RAPGEF4: variants seen among roughly 807,000 people sequenced by gnomAD.
The protein encoded by RAPGEF4 is RAP guanine-nucleotide-exchange factor (GEF) 4.
In RAPGEF4, 66 loss-of-function variants were observed where a neutral mutation model predicts 147.9. The observed-to-expected ratio is 0.45, with a 90% CI of 0.37 to 0.55. The LOEUF (loss-of-function observed/expected upper bound fraction) is 0.55, where lower values mean the gene tolerates loss of function less well. Ranked by LOEUF, RAPGEF4 falls within the 20% of genes least tolerant of loss-of-function variation. The probability of loss-of-function intolerance (pLI) is 0.00; values close to 1 mark genes in which losing one functional copy is unlikely to be tolerated. For missense variants in RAPGEF4, 1,071 were observed against 1,257.3 expected (o/e 0.85, Z 2.24); for synonymous variants, 419 against 442.7 (o/e 0.95, Z 0.67).
intron 4 of RAPGEF4, among the ~76,000 whole-genome samples, chr2:172,885,692 C>T (rs980681158): frequency 6.6e-5 from 10 of 152,050 alleles, no homozygotes; most frequent in Non-Finnish European, 2.9e-5. Flanking sequence ...TGGGAGGAAC[C>T]GCCCCCATGA....
chr2:172,985,642 TG>T, intron 12 of RAPGEF4, 149 bp downstream of exon 12: 1 of 1,420,972 alleles, frequency 7.0e-7, no homozygotes, highest in Non-Finnish European at 9.4e-7. Context: ...TTCGTTTTTC[TG>T]GACCTGTGAT....
At chr2:172,815,901 A>C (rs562627473) in intron 4 of RAPGEF4, among the ~76,000 whole-genome samples, 1 of 152,322 alleles carries the variant, frequency 6.6e-6, no homozygotes, top group African/African-American at 2.4e-5. Flanking sequence ...GAAAAATCAA[A>C]AAGTATAGTA....
intron 4 of RAPGEF4, among the ~76,000 whole-genome samples, chr2:172,877,037 G>A (rs1199759171): frequency 6.6e-6 from 1 of 152,128 alleles, no homozygotes; most frequent in African/African-American, 2.4e-5. Context: ...TTGCGTAGAG[G>A]TGTTTATAGT....
chr2:172,746,600 T>C (rs892235597), intron 1 of RAPGEF4, among the ~76,000 whole-genome samples: 1 of 152,146 alleles, frequency 6.6e-6, no homozygotes, highest in Non-Finnish European at 1.5e-5. Flanking sequence ...ACTTGCTGTA[T>C]AGAAATATTA....
At chr2:172,903,190 GAAACCTCATCTCTACTAAAAATACAAA>G (rs1425350979) in intron 4 of RAPGEF4, among the ~76,000 whole-genome samples, 60 of 152,156 alleles carry the variant, frequency 3.9e-4, no homozygotes, top group Non-Finnish European at 4.4e-5. Context: ...TCAACATGGT[GAAACCTCATCTCTACTAAAAATACAAA>G]GATTAGCTGG....
At chr2:172,744,267 A>T (rs1431092750) in intron 1 of RAPGEF4, 3 of 333,566 alleles carry the variant, frequency 9.0e-6, no homozygotes, top group African/African-American at 6.5e-5. Flanking sequence ...GATATAGTCA[A>T]ATCAGCTTTG....
intron 3 of RAPGEF4, among the ~76,000 whole-genome samples, chr2:172,806,915 A>G (rs977145485): frequency 1.3e-5 from 2 of 152,188 alleles, no homozygotes; most frequent in African/African-American, 2.4e-5. Flanking sequence ...TTTGAAGAAC[A>G]TGTGTGTTTC....
intron 4 of RAPGEF4, among the ~76,000 whole-genome samples, chr2:172,821,218 A>G (rs557493056): frequency 6.6e-6 from 1 of 152,186 alleles, no homozygotes; most frequent in Admixed American, 6.5e-5. Flanking sequence ...TTTTGCATTA[A>G]TGGTAGGCTT....
At chr2:172,783,775 A>ACT (rs139605355) in intron 1 of RAPGEF4, among the ~76,000 whole-genome samples, 2 of 147,678 alleles carry the variant, frequency 1.4e-5, no homozygotes, top group East Asian at 4.0e-4. Context: ...TGTATGTGTG[A>ACT]GTGTGTGTGT....
At chr2:172,899,455 A>C (rs879525111) in intron 4 of RAPGEF4, among the ~76,000 whole-genome samples, 1 of 152,214 alleles carries the variant, frequency 6.6e-6, no homozygotes, top group Admixed American at 6.5e-5. Context: ...TTGTGTTAAC[A>C]TTAAAGGTTG....
chr2:172,980,673 G>A (rs1359868494), intron 10 of RAPGEF4, among the ~76,000 whole-genome samples: 1 of 152,178 alleles, frequency 6.6e-6, no homozygotes, highest in African/African-American at 2.4e-5. Context: ...CCTAAGACTA[G>A]CTGTTACGGC....
At chr2:172,854,469 T>C (rs567465541) in intron 4 of RAPGEF4, among the ~76,000 whole-genome samples, 1 of 152,150 alleles carries the variant, frequency 6.6e-6, no homozygotes, top group South Asian at 2.1e-4. Context: ...TCTGTTTCTT[T>C]GTATATAAAA....
chr2:173,018,209 G>A (rs1001056326), intron 21 of RAPGEF4, among the ~76,000 whole-genome samples: 2 of 152,180 alleles, frequency 1.3e-5, no homozygotes, highest in Middle Eastern at 3.2e-3. Flanking sequence ...AAGCACACAA[G>A]CCACTGAAGC....
chr2:172,919,930 A>T (rs2113807), intron 5 of RAPGEF4, among the ~76,000 whole-genome samples: 1 of 151,698 alleles, frequency 6.6e-6, no homozygotes, highest in Non-Finnish European at 1.5e-5. Context: ...GCATGTTCAC[A>T]GTCTTCCTTT....
intron 4 of RAPGEF4, among the ~76,000 whole-genome samples, chr2:172,909,462 A>G (rs1039345884): frequency 2.2e-4 from 33 of 152,166 alleles, no homozygotes; most frequent in African/African-American, 8.0e-4. Context: ...CGACTGAGTG[A>G]GGTCATTGAT....
At chr2:172,876,760 T>G (rs1307901068) in intron 4 of RAPGEF4, among the ~76,000 whole-genome samples, 2 of 152,238 alleles carry the variant, frequency 1.3e-5, no homozygotes, top group Admixed American at 1.3e-4. Flanking sequence ...GATGCTGGCC[T>G]CATAAAATGA....
At chr2:172,825,187 C>A (rs1689532004) in intron 4 of RAPGEF4, among the ~76,000 whole-genome samples, 1 of 152,218 alleles carries the variant, frequency 6.6e-6, no homozygotes, top group South Asian at 2.1e-4. Flanking sequence ...CATAGCTTAG[C>A]CTATCCCACC....
rs77882306 is a variant in RAPGEF4 at position 172,931,344 on chromosome 2, G to A, written c.537+9044G>A. 5.9e-3 allele frequency among the ~76,000 whole-genome samples: 892 copies of A among 152,200 alleles called. 4 individuals carry two copies. The highest frequency in any genetic ancestry group is 0.01 in the Non-Finnish European group (684 of 68,004). The stretch of plus-strand genomic sequence containing the variant: ...GTCCCAGGATATTTTTCTAGCTTGC[G>A]GGGAGCTCTCTGAGGCAGGCCTGTG... On this transcript the variant is annotated intron_variant, in intron 6 of 30. Transcript: ENST00000397081.
At chr2:172,934,386 G>C (rs1039765893) in intron 6 of RAPGEF4, among the ~76,000 whole-genome samples, 2 of 151,808 alleles carry the variant, frequency 1.3e-5, no homozygotes, top group Admixed American at 6.6e-5. Flanking sequence ...CCTGACCTCA[G>C]GCGATCCACC....
Sources: gnomAD v4.1 joint callset for allele counts (sites outside exome capture counted in the v4.1 genomes callset) on GRCh38, gnomAD v4.1.1 for gene constraint, MANE v1.5 for transcripts, NCBI Gene and HGNC (gene_info 2026-07-23, HGNC 2026-07-21) for gene names.